CNTNAP2: variants seen among roughly 807,000 people sequenced by gnomAD.
CNTNAP2 encodes the protein contactin-associated protein-like 2.
A neutral mutation model predicts 155.2 loss-of-function variants in CNTNAP2; 98 were observed. The ratio of observed to expected loss-of-function variants is 0.63; its 90% CI spans 0.54 to 0.75. The LOEUF (loss-of-function observed/expected upper bound fraction) is 0.75, where lower values mean the gene tolerates loss of function less well. CNTNAP2 is among the 30% of genes least tolerant of loss of function. CNTNAP2 has a pLI of 0.00. For synonymous variants in CNTNAP2, 651 were observed against 631.2 expected (o/e 1.03, Z -0.47); for missense variants, 1,727 against 1,688.1 (o/e 1.02, Z -0.40).
At chr7:146,186,757 G>A (rs1410818941) in intron 1 of CNTNAP2, among the ~76,000 whole-genome samples, 1 of 152,016 alleles carries the variant, frequency 6.6e-6, no homozygotes, top group African/African-American at 2.4e-5. Flanking sequence ...TTTGTATTGT[G>A]GATGGCATGT....
intron 21 of CNTNAP2, among the ~76,000 whole-genome samples, chr7:148,360,837 T>G (rs1191486722): frequency 6.6e-6 from 1 of 151,294 alleles, no homozygotes; most frequent in Non-Finnish European, 1.5e-5. Flanking sequence ...TTGAGACAGT[T>G]TCTCTCTTGT....
chr7:147,078,029 C>A (rs78528787), intron 4 of CNTNAP2, among the ~76,000 whole-genome samples: 3,825 of 152,206 alleles, frequency 0.025, 128 homozygotes, highest in African/African-American at 0.08. Context: ...ATCTGATATA[C>A]CTTCCTTCCT....
intron 8 of CNTNAP2, among the ~76,000 whole-genome samples, chr7:147,283,357 T>G (rs1006347783): frequency 1.4e-4 from 21 of 151,876 alleles, no homozygotes; most frequent in African/African-American, 5.1e-4. Context: ...ATGTAACTAG[T>G]GTCTATATCA....
intron 15 of CNTNAP2, among the ~76,000 whole-genome samples, chr7:148,010,480 A>C (rs1802058374): frequency 6.6e-6 from 1 of 151,600 alleles, no homozygotes; most frequent in African/African-American, 2.4e-5. Context: ...TTTCTTTTAA[A>C]AGTTTTAACC....
At chr7:146,662,018 G>T (rs1309409761) in intron 1 of CNTNAP2, among the ~76,000 whole-genome samples, 1 of 151,996 alleles carries the variant, frequency 6.6e-6, no homozygotes, top group African/African-American at 2.4e-5. Context: ...TTTTTTTAAT[G>T]TAGTTTTAAA....
intron 8 of CNTNAP2, among the ~76,000 whole-genome samples, chr7:147,166,521 T>C (rs992279415): frequency 1.3e-5 from 2 of 151,390 alleles, no homozygotes; most frequent in Admixed American, 6.6e-5. Context: ...ATACCAGCTG[T>C]TCCCCAAAAA....
At chr7:147,592,261 T>C (rs1800749475) in intron 12 of CNTNAP2, among the ~76,000 whole-genome samples, 1 of 152,190 alleles carries the variant, frequency 6.6e-6, no homozygotes, top group South Asian at 2.1e-4. Flanking sequence ...AACATTTTTG[T>C]ATATTATTTT....
intron 1 of CNTNAP2, among the ~76,000 whole-genome samples, chr7:146,608,489 A>G (rs1458508748): frequency 6.6e-6 from 1 of 152,202 alleles, no homozygotes; most frequent in Non-Finnish European, 1.5e-5. Flanking sequence ...ATGACAATAC[A>G]GATTACATGC....
At chr7:147,767,357 T>G (rs1431827203) in intron 13 of CNTNAP2, among the ~76,000 whole-genome samples, 1 of 151,988 alleles carries the variant, frequency 6.6e-6, no homozygotes, top group African/African-American at 2.4e-5. Flanking sequence ...CAGCTCTGAG[T>G]TGACTCCAGG....
intron 2 of CNTNAP2, among the ~76,000 whole-genome samples, chr7:146,795,613 A>T (rs1219733192): frequency 6.6e-6 from 1 of 152,234 alleles, no homozygotes; most frequent in East Asian, 1.9e-4. Flanking sequence ...TGGAGACTTT[A>T]TATGCCTACA....
intron 3 of CNTNAP2, among the ~76,000 whole-genome samples, chr7:146,943,123 C>T (rs1178800329): frequency 6.6e-6 from 1 of 152,194 alleles, no homozygotes; most frequent in Non-Finnish European, 1.5e-5. Context: ...TTATAGCCTA[C>T]TGTTGACCAT....
chr7:146,673,042 AT>A (rs953868601), intron 1 of CNTNAP2, among the ~76,000 whole-genome samples: 9 of 151,548 alleles, frequency 5.9e-5, no homozygotes, highest in Admixed American at 2.6e-4. Context: ...TTTACTTCTC[AT>A]TTTTTTTCCA....
At chr7:148,058,371 T>G (rs1356422573) in intron 15 of CNTNAP2, among the ~76,000 whole-genome samples, 1 of 152,158 alleles carries the variant, frequency 6.6e-6, no homozygotes, top group Non-Finnish European at 1.5e-5. Flanking sequence ...CACACACGGT[T>G]AAACAAGTCA....
intron 15 of CNTNAP2, among the ~76,000 whole-genome samples, chr7:148,029,478 A>C (rs1285652076): frequency 1.3e-5 from 2 of 152,202 alleles, no homozygotes; most frequent in Admixed American, 1.3e-4. Context: ...AAGGAGTTGC[A>C]TAAAACTTTT....
intron 3 of CNTNAP2, among the ~76,000 whole-genome samples, chr7:146,919,450 T>C (rs1325802512): frequency 6.6e-6 from 1 of 152,148 alleles, no homozygotes; most frequent in East Asian, 1.9e-4. Flanking sequence ...GTGGTTGTTA[T>C]TTGTCTTCTG....
chr7:147,416,644 C>T (rs1797198090), intron 10 of CNTNAP2, among the ~76,000 whole-genome samples: 1 of 152,132 alleles, frequency 6.6e-6, no homozygotes. Context: ...TAATATGTTG[C>T]TCATCAACAT....
At chr7:147,925,707 C>T (rs996617018) in intron 14 of CNTNAP2, among the ~76,000 whole-genome samples, 1 of 152,164 alleles carries the variant, frequency 6.6e-6, no homozygotes, top group Admixed American at 6.5e-5. Flanking sequence ...GTGATCCACC[C>T]GCCTCGGCCT....
chr7:148,141,006 C>CT (rs1302123380), intron 16 of CNTNAP2, among the ~76,000 whole-genome samples: 1 of 152,208 alleles, frequency 6.6e-6, no homozygotes, highest in Non-Finnish European at 1.5e-5. Flanking sequence ...CCTAATGTTT[C>CT]TTAAAGTAAG....
intron 8 of CNTNAP2, among the ~76,000 whole-genome samples, chr7:147,200,195 T>C (rs1278101838): frequency 6.6e-6 from 1 of 151,984 alleles, no homozygotes; most frequent in African/African-American, 2.4e-5. Context: ...AAAAAAATAG[T>C]AAATGACTTC....
Sources: gnomAD v4.1 joint callset for allele counts (sites outside exome capture counted in the v4.1 genomes callset) on GRCh38, gnomAD v4.1.1 for gene constraint, MANE v1.5 for transcripts, NCBI Gene and HGNC (gene_info 2026-07-23, HGNC 2026-07-21) for gene names.